Variants in RSPH1 observed in about 807,000 individuals in gnomAD.
RSPH1 encodes the protein radial spoke head component 1.
RSPH1 carries 32 observed loss-of-function variants against 44.2 expected under a neutral mutation model. The observed-to-expected ratio is 0.72, with a 90% CI of 0.55 to 0.97. The LOEUF (loss-of-function observed/expected upper bound fraction) is 0.97. Ranked by LOEUF, RSPH1 falls within the 50% of genes least tolerant of loss-of-function variation. RSPH1 has a pLI of 0.00. For missense variants in RSPH1, 391 were observed against 398.7 expected (o/e 0.98, Z 0.16); for synonymous variants, 134 against 147.3 (o/e 0.91, Z 0.65).
At position 42,482,674 on chromosome 21, in the gene RSPH1, C is replaced by T. The variant is rs749238335; in HGVS notation, c.536G>A (p.Gly179Glu). The change falls in exon 6 of 9, where the codon GGG becomes GAG. Residue 179 changes from glycine to glutamate, a missense_variant. Coordinates refer to ENST00000291536, the MANE Select transcript of RSPH1 (RefSeq NM_080860.4). ...VGPGKYVFDV[G>E]CEQHGEYRLT... ...ACGATATTCACCATGTTGTTCACACCCAACATCAAATACATACTTTCCAGG... is the reference window on the plus strand; with the variant it reads ...ACGATATTCACCATGTTGTTCACACTCAACATCAAATACATACTTTCCAGG... The T allele has an allele frequency of 6.2e-7, 1 of 1,613,504 alleles. No individual in the cohort carries two copies. Among genetic ancestry groups the T allele is most frequent in the Non-Finnish European group, 8.5e-7 (1 of 1,179,676 alleles).
intron 1 of RSPH1, 99 bp from the exon 2 acceptor site, chr21:42,493,178 A>G (rs1394562154): frequency 1.2e-5 from 12 of 963,652 alleles, no homozygotes; most frequent in Non-Finnish European, 1.8e-5. Context: ...TCATCCCACT[A>G]TGCTAAACCC....
chr21:42,476,151 C>T (rs907107484), intron 7 of RSPH1, 104 bp from the exon 8 acceptor site: 1 of 1,142,118 alleles, frequency 8.8e-7, no homozygotes, highest in Non-Finnish European at 1.2e-6. Context: ...CCACCCTCCC[C>T]CTCCCACTGG....
intron 8 of RSPH1, among the ~76,000 whole-genome samples, chr21:42,475,428 C>T (rs2054035559): frequency 6.6e-6 from 1 of 151,708 alleles, no homozygotes; most frequent in South Asian, 2.1e-4. Flanking sequence ...ATTAGCCGGG[C>T]ATGGTGGCAT....
Position 42,478,973 on chromosome 21 carries a change from G to A in RSPH1, c.574-1529C>T, listed in dbSNP as rs527311100. ...AAGCTATCAGGGGCTGGGGGAGGTC[G>A]AATGGGGAGTTGTTGCTTAATAGGT... On this transcript the variant is annotated intron_variant, in intron 6 of 8. Transcript: ENST00000291536. Among the ~76,000 whole-genome samples the A allele has an allele frequency of 2.6e-5, 4 of 152,330 alleles. No individual in the cohort carries two copies. In the East Asian group the frequency reaches 5.8e-4, roughly 22 times the overall value.
intron 5 of RSPH1, among the ~76,000 whole-genome samples, chr21:42,483,792 AAT>A (rs2054153639): frequency 6.6e-6 from 1 of 152,120 alleles, no homozygotes; most frequent in South Asian, 2.1e-4. Context: ...GGTACATTTA[AAT>A]CTTTACTTCT....
chr21:42,483,875 T>C (rs560691943), intron 5 of RSPH1, among the ~76,000 whole-genome samples: 1 of 152,354 alleles, frequency 6.6e-6, no homozygotes, highest in South Asian at 2.1e-4. Context: ...CAAGTGTTCC[T>C]AGCACTATGT....
Position 42,486,404 on chromosome 21 carries a change from T to C in RSPH1, c.332A>G (p.Asp111Gly). The change falls in exon 4 of 9, where the codon GAC becomes GGC. Residue 111 changes from aspartate to glycine, a missense_variant. By Grantham distance (94) the Asp-to-Gly change is moderately conservative. Transcript: ENST00000291536. ...AGCAAACCACTCTCCAGTGTAGGTG[T>C]CATTATTGATGTAGTAGTATACGCC... The part of the protein sequence containing the change: ...GHGVYYYINN[D>G]TYTGEWFAHQ... 6.2e-7 allele frequency: 1 copy of C among 1,614,036 alleles called. No individual in the cohort carries two copies. Among genetic ancestry groups the C allele is most frequent in the Non-Finnish European group, 8.5e-7 (1 of 1,179,900 alleles).
chr21:42,490,721 T>C (rs1398372964), intron 3 of RSPH1, among the ~76,000 whole-genome samples: 2 of 152,214 alleles, frequency 1.3e-5, no homozygotes, highest in Non-Finnish European at 2.9e-5. Flanking sequence ...CTGATAGAAA[T>C]GTTTTTGTTA....
chr21:42,478,224 G>A (rs934993849), intron 6 of RSPH1, among the ~76,000 whole-genome samples: 1 of 152,262 alleles, frequency 6.6e-6, no homozygotes, highest in Non-Finnish European at 1.5e-5. Flanking sequence ...TATGACTATG[G>A]AACACTTCGC....
rs1260949941 is a variant in RSPH1, at chr21:42,476,949, G to A, written c.727+342C>T. 4.0e-5 allele frequency among the ~76,000 whole-genome samples: 6 copies of A among 151,688 alleles called. No individual in the cohort carries two copies. The East Asian group carries it at 5.8e-4, about 15-fold the overall frequency. On this transcript the variant is annotated intron_variant, in intron 7 of 8. Transcript: ENST00000291536. ...TCCACAACTCCCACAGCCCAAAGGC[G>A]CCCACACCCTCCATCCCACAGCCTG...
chr21:42,479,201 A>G (rs891225855), intron 6 of RSPH1, among the ~76,000 whole-genome samples: 3 of 152,250 alleles, frequency 2.0e-5, no homozygotes, highest in Admixed American at 6.5e-5. Flanking sequence ...CTACTCTAGA[A>G]GGGATACATT....
chr21:42,475,654 G>A (rs1047883435), intron 8 of RSPH1, among the ~76,000 whole-genome samples: 2 of 143,516 alleles, frequency 1.4e-5, no homozygotes, highest in Non-Finnish European at 3.0e-5. Context: ...GTCCTCCTGT[G>A]ACAACGCGCA....
chr21:42,479,221 A>G (rs897304124), intron 6 of RSPH1, among the ~76,000 whole-genome samples: 3 of 152,240 alleles, frequency 2.0e-5, no homozygotes, highest in Admixed American at 2.0e-4. Context: ...TCCCCTTACT[A>G]GGGAGAGAGA....
At chr21:42,473,479 G>GC (rs1311745756) in intron 8 of RSPH1, among the ~76,000 whole-genome samples, 2 of 108,898 alleles carry the variant, frequency 1.8e-5, no homozygotes, top group Non-Finnish European at 3.5e-5. Flanking sequence ...AACAGAGCAA[G>GC]ATTCCATCTT....
At chr21:42,486,592 C>T (rs1467258856) in intron 3 of RSPH1, 131 bp from the exon 4 acceptor site, 1 of 674,798 alleles carries the variant, frequency 1.5e-6, no homozygotes, top group Non-Finnish European at 2.7e-6. Context: ...CACACACAGG[C>T]CCCTTCTGCT....
intron 3 of RSPH1, among the ~76,000 whole-genome samples, chr21:42,487,481 T>C (rs2054191756): frequency 6.6e-6 from 1 of 152,224 alleles, no homozygotes; most frequent in African/African-American, 2.4e-5. Context: ...CATTACAAAA[T>C]GGTTGCCATA....
In RSPH1 at chr21:42,472,607, T is replaced by G. The variant is rs1338573539; in HGVS notation, c.*211A>C. On this transcript the variant is annotated 3_prime_UTR_variant, in exon 9 of 9. Transcript: ENST00000291536. ...TTGTTAACTGACAGAAGCATTTTGTTTTTGTTTATTTTTTGAGACAGGGTC... is the reference window on the plus strand; with the variant it reads ...TTGTTAACTGACAGAAGCATTTTGTGTTTGTTTATTTTTTGAGACAGGGTC... The G allele has an allele frequency of 4.8e-6, 2 of 414,646 alleles. No individual in the cohort carries two copies. Among genetic ancestry groups the G allele is most frequent in the African/African-American group, 4.1e-5 (2 of 48,500 alleles). The allele number at this position is 414,646 out of a possible 1,614,324, so 25.7% of individuals were successfully genotyped here.
intron 6 of RSPH1, 31 bp from the exon 7 acceptor site, chr21:42,477,475 A>G (rs373304562): frequency 2.5e-6 from 4 of 1,606,546 alleles, no homozygotes; most frequent in Admixed American, 1.7e-5. Context: ...TACATTTACC[A>G]ACATTTGTGT....
intron 6 of RSPH1, among the ~76,000 whole-genome samples, chr21:42,477,738 GC>G (rs1355422403): frequency 9.9e-5 from 15 of 152,202 alleles, no homozygotes; most frequent in Non-Finnish European, 1.3e-4. Flanking sequence ...TGTCGCAGTC[GC>G]CTGCAATAGC....
Sources: allele counts gnomAD v4.1 joint callset (sites outside exome capture counted in the v4.1 genomes callset), GRCh38; gene constraint gnomAD v4.1.1; transcripts MANE v1.5; gene names NCBI Gene and HGNC (gene_info 2026-07-23, HGNC 2026-07-21).